KLRG1: variants seen among roughly 807,000 people sequenced by gnomAD.
The protein encoded by KLRG1 is killer cell lectin-like receptor subfamily G member 1.
KLRG1 carries 16 observed loss-of-function variants against 21.8 expected under a neutral mutation model. The observed-to-expected ratio is 0.73, with a 90% CI of 0.50 to 1.11. The LOEUF (loss-of-function observed/expected upper bound fraction) is 1.11. Ranked by LOEUF, KLRG1 falls within the 50% of genes most tolerant of loss-of-function variation. KLRG1 has a pLI of 0.00. For missense variants in KLRG1, 173 were observed against 218.3 expected (o/e 0.79, Z 1.31); for synonymous variants, 69 against 75.9 (o/e 0.91, Z 0.47).
At chr12:9,086,057 A>C in the KLRG1 span, among the ~76,000 whole-genome samples, 2 of 152,192 alleles carry the variant, frequency 1.3e-5, no homozygotes, top group Non-Finnish European at 1.5e-5. Flanking sequence ...GCTAGGTTCT[A>C]CTTATCATTT....
At chr12:9,035,127 C>T in the KLRG1 span, among the ~76,000 whole-genome samples, 2 of 152,032 alleles carry the variant, frequency 1.3e-5, no homozygotes, top group Admixed American at 6.5e-5. Context: ...GTAAGCTGTG[C>T]GTTCATACAA....
At chr12:9,130,734 T>C in the KLRG1 span, among the ~76,000 whole-genome samples, 1 of 152,170 alleles carries the variant, frequency 6.6e-6, no homozygotes, top group Non-Finnish European at 1.5e-5. Flanking sequence ...AATTTTTTTT[T>C]CCCATTTTGT....
At chr12:9,141,592 C>T in the KLRG1 span, among the ~76,000 whole-genome samples, 6 of 152,166 alleles carry the variant, frequency 3.9e-5, no homozygotes, top group African/African-American at 1.4e-4. Flanking sequence ...TTACAATTAA[C>T]CTTCCAAAAC....
chr12:8,987,104 G>C (rs1336187369), upstream of KLRG1: 1 of 152,078 alleles, frequency 6.6e-6, no homozygotes. Flanking sequence ...TGCAAGAATG[G>C]ACTAATACAC....
intron 1 of KLRG1, among the ~76,000 whole-genome samples, chr12:8,967,441 G>T (rs761249911): frequency 2.0e-5 from 3 of 152,186 alleles, no homozygotes; most frequent in African/African-American, 4.8e-5. Context: ...TAATAACCAG[G>T]CTGGGCCAGG....
the KLRG1 span, among the ~76,000 whole-genome samples, chr12:9,065,650 G>T: frequency 6.6e-6 from 1 of 152,222 alleles, no homozygotes; most frequent in African/African-American, 2.4e-5. Context: ...GAGGCAGACA[G>T]GTTCCTGGGT....
chr12:9,160,613 G>T, the KLRG1 span: 2 of 864,266 alleles, frequency 2.3e-6, no homozygotes, highest in Non-Finnish European at 3.6e-6. Context: ...TATATACACA[G>T]AGTGTGACTT....
chr12:8,953,264 C>G (rs1039638328), intron 1 of KLRG1, among the ~76,000 whole-genome samples: 8 of 152,146 alleles, frequency 5.3e-5, no homozygotes, highest in Non-Finnish European at 8.8e-5. Flanking sequence ...GTCCCCCACC[C>G]CTGCAGTCAG....
the KLRG1 span, among the ~76,000 whole-genome samples, chr12:9,199,969 C>T: frequency 6.6e-6 from 1 of 152,188 alleles, no homozygotes. Context: ...ATTGAAGATA[C>T]TTGACTGTAA....
At chr12:9,046,410 A>G in the KLRG1 span, among the ~76,000 whole-genome samples, 4 of 152,344 alleles carry the variant, frequency 2.6e-5, no homozygotes, top group Admixed American at 6.5e-5. Context: ...AAGTTCAGAG[A>G]ACACCACACA....
the KLRG1 span, among the ~76,000 whole-genome samples, chr12:9,184,533 TGCTAGCACCCTGCCACA>T: frequency 5.9e-5 from 9 of 152,226 alleles, no homozygotes; most frequent in Non-Finnish European, 8.8e-5. Flanking sequence ...ACCTGGCACC[TGCTAGCACCCTGCCACA>T]GCTGATGAGC....
At chr12:9,102,554 C>T in the KLRG1 span, among the ~76,000 whole-genome samples, 1 of 152,134 alleles carries the variant, frequency 6.6e-6, no homozygotes, top group East Asian at 1.9e-4. Context: ...AATCTGGATT[C>T]TAATACCTCA....
At chr12:9,196,744 T>G in the KLRG1 span, 1 of 1,404,296 alleles carries the variant, frequency 7.1e-7, no homozygotes, top group Non-Finnish European at 1.0e-6. Context: ...AGTCACTGAA[T>G]CTACTATTCT....
the KLRG1 span, among the ~76,000 whole-genome samples, chr12:9,198,761 A>T: frequency 6.6e-6 from 1 of 152,214 alleles, no homozygotes; most frequent in East Asian, 1.9e-4. Context: ...TCAAATAAAA[A>T]GATAGAATCA....
At chr12:9,120,419 A>G in the KLRG1 span, among the ~76,000 whole-genome samples, 1 of 152,216 alleles carries the variant, frequency 6.6e-6, no homozygotes, top group South Asian at 2.1e-4. Context: ...AGGAAAACAC[A>G]TAACAGTAAG....
At chr12:8,972,436 G>A (rs1213192045) in intron 1 of KLRG1, among the ~76,000 whole-genome samples, 1 of 152,242 alleles carries the variant, frequency 6.6e-6, no homozygotes, top group African/African-American at 2.4e-5. Flanking sequence ...TGGGATTACA[G>A]GCGTGAGCCA....
chr12:9,034,607 C>T, the KLRG1 span, among the ~76,000 whole-genome samples: 2 of 152,144 alleles, frequency 1.3e-5, no homozygotes, highest in South Asian at 2.1e-4. Context: ...CCACCATGCC[C>T]GGCTAATTTT....
At chr12:8,985,037 A>C (rs918970137), upstream of KLRG1, among the ~76,000 whole-genome samples, 1 of 152,208 alleles carries the variant, frequency 6.6e-6, no homozygotes, top group African/African-American at 2.4e-5. Context: ...AGAAATGAAT[A>C]TTGCTACATT....
chr12:9,203,502 C>T, the KLRG1 span, among the ~76,000 whole-genome samples: 400 of 152,042 alleles, frequency 2.6e-3, no homozygotes, highest in African/African-American at 8.5e-3. Flanking sequence ...CCACTACGCC[C>T]GGCTAATTTT....
Sources: gnomAD v4.1 joint callset for allele counts (sites outside exome capture counted in the v4.1 genomes callset) on GRCh38, gnomAD v4.1.1 for gene constraint, MANE v1.5 for transcripts, NCBI Gene and HGNC (gene_info 2026-07-23, HGNC 2026-07-21) for gene names.